Variants in PNPLA7 observed in about 807,000 individuals in gnomAD.
The protein encoded by PNPLA7 is patatin-like phospholipase domain-containing protein 7.
PNPLA7 carries 153 observed loss-of-function variants against 161.7 expected under a neutral mutation model. The ratio of observed to expected loss-of-function variants is 0.95; its 90% CI spans 0.83 to 1.08. The LOEUF (loss-of-function observed/expected upper bound fraction) is 1.08. Among genes scored for constraint, PNPLA7 ranks in the 50% least tolerant of loss-of-function variants. The pLI is 0.00. For synonymous variants in PNPLA7, 809 were observed against 782.1 expected (o/e 1.03, Z -0.57); for missense variants, 1,739 against 1,856.6 (o/e 0.94, Z 1.16).
chr9:137,528,858 G>A (rs757584513), intron 8 of PNPLA7, among the ~76,000 whole-genome samples: 3 of 151,828 alleles, frequency 2.0e-5, no homozygotes, highest in South Asian at 4.2e-4. Context: ...CCGCCACCAC[G>A]CCTGGCTAAT....
chr9:137,477,924 G>A (rs1432264313), intron 25 of PNPLA7, 110 bp downstream of exon 25: 15 of 922,974 alleles, frequency 1.6e-5, no homozygotes, highest in Non-Finnish European at 2.2e-5. Context: ...TGAGGGTCTC[G>A]TCTGCGGGTG....
rs565084903 is a variant in PNPLA7 at position 137,468,302 on chromosome 9, G to T, written c.2883-829C>A. Reference sequence around the variant, plus strand: ...CCAAAGATTACCAGTCATATGAGAAGAAAAGCCTCATATAGGCTTTCCTTT... The same window carrying T: ...CCAAAGATTACCAGTCATATGAGAATAAAAGCCTCATATAGGCTTTCCTTT... On this transcript the variant is annotated intron_variant, in intron 25 of 34. Transcript: ENST00000406427. This position sits in a 1 kb window ranked among gnomAD's most constrained non-coding sequence, Gnocchi z 4.0. 4.6e-5 allele frequency among the ~76,000 whole-genome samples: 7 copies of T among 152,188 alleles called. No individual in the cohort carries two copies. The South Asian group carries it at 1.5e-3, about 32-fold the overall frequency.
chr9:137,482,359 C>A (rs932199322), intron 21 of PNPLA7, among the ~76,000 whole-genome samples: 3 of 152,234 alleles, frequency 2.0e-5, no homozygotes, highest in Non-Finnish European at 4.4e-5. Context: ...ATGAACAGAT[C>A]AACTGTGGTG....
chr9:137,543,309 C>T lies in PNPLA7; in HGVS notation c.506+123G>A. 8.0e-7 allele frequency: 1 copy of T among 1,253,332 alleles called. No individual in the cohort carries two copies. Among genetic ancestry groups the T allele is most frequent in the Non-Finnish European group, 1.1e-6 (1 of 881,560 alleles). The allele number at this position is 1,253,332 out of a possible 1,614,324, so 77.6% of individuals were successfully genotyped here. ...CGCCACGGGGCACAGACACCAGCAG[C>T]CCCACGATGCGCTTTGCCAACCATT... is the stretch of plus-strand genomic sequence containing the variant. On this transcript the variant is annotated intron_variant, in intron 6 of 34. Transcript: ENST00000406427. The surrounding 1 kb of genome is among the most constrained non-coding windows in gnomAD (Gnocchi z 6.9).
chr9:137,498,385 C>G, intron 16 of PNPLA7, 140 bp from the exon 17 acceptor site: 1 of 1,284,560 alleles, frequency 7.8e-7, no homozygotes, highest in East Asian at 2.5e-5. Flanking sequence ...GGGGCTGGGA[C>G]GGGGCACGCA....
intron 8 of PNPLA7, 42 bp from the exon 9 acceptor site, chr9:137,522,899 C>A (rs766308466): frequency 8.7e-6 from 14 of 1,604,198 alleles, no homozygotes; most frequent in Non-Finnish European, 1.1e-5. Context: ...GTGGGCCTGG[C>A]CAACCCCCCA....
intron 24 of PNPLA7, chr9:137,478,766 A>C: frequency 2.9e-6 from 1 of 350,310 alleles, no homozygotes; most frequent in Non-Finnish European, 5.2e-6. Context: ...GCCCATCCCC[A>C]GGGTTTGCTG....
chr9:137,532,446 G>C (rs757151335), intron 8 of PNPLA7, among the ~76,000 whole-genome samples: 31 of 152,060 alleles, frequency 2.0e-4, no homozygotes, highest in Non-Finnish European at 4.3e-4. Context: ...AAAAAAGAAA[G>C]GTAAGTTGAA....
At chr9:137,474,981 G>A (rs1227715597) in intron 25 of PNPLA7, among the ~76,000 whole-genome samples, 1 of 117,574 alleles carries the variant, frequency 8.5e-6, no homozygotes, top group African/African-American at 3.6e-5. Flanking sequence ...AGCCGAGATC[G>A]CTCACTGCGA....
chr9:137,527,306 A>AT (rs1311728148), intron 8 of PNPLA7, among the ~76,000 whole-genome samples: 1 of 151,592 alleles, frequency 6.6e-6, no homozygotes, highest in Non-Finnish European at 1.5e-5. Context: ...AAAACAAAAA[A>AT]AAACCCACAC....
intron 11 of PNPLA7, among the ~76,000 whole-genome samples, chr9:137,517,083 T>A (rs1395717470): frequency 7.2e-6 from 1 of 139,818 alleles, no homozygotes; most frequent in Non-Finnish European, 1.5e-5. Context: ...ACTCACTCAC[T>A]CCACTCTGTC....
Position 137,500,800 on chromosome 9 carries a change from C to T in PNPLA7, c.1648G>A (p.Gly550Arg), listed in dbSNP as rs749612902. Residue 550 changes from glycine (G) to arginine (R), a missense_variant, in exon 16 of 35, where the codon GGG becomes AGG. Physicochemically the swap from Gly to Arg is moderately radical, Grantham distance 125. Around this residue, in one of 6 missense-constraint regions of PNPLA7, gnomAD observed 481 missense variants for 450.0 expected, o/e 1.07. Transcript: ENST00000406427. The surrounding 1 kb of genome is among the most constrained non-coding windows in gnomAD (Gnocchi z 5.5). ...EDTCLFLTRP[G>R]EMVGQLAVLT... ...ACGGCCAGCTGGCCCACCATCTCCC[C>T]GGGGCGCGTGAGGAACAAGCAGGTG... 2.2e-5 allele frequency: 36 copies of T among 1,610,106 alleles called. No individual in the cohort carries two copies. Among genetic ancestry groups the T allele is most frequent in the Middle Eastern group, 1.7e-4 (1 of 6,052 alleles).
At chr9:137,482,749 C>T (rs1046504487) in intron 21 of PNPLA7, among the ~76,000 whole-genome samples, 4 of 152,266 alleles carry the variant, frequency 2.6e-5, no homozygotes, top group South Asian at 2.1e-4. Flanking sequence ...GCCAACGTCC[C>T]GGCCTCGATG....
chr9:137,489,301 C>T (rs537201339), intron 20 of PNPLA7, among the ~76,000 whole-genome samples: 5 of 152,340 alleles, frequency 3.3e-5, no homozygotes, highest in East Asian at 1.9e-4. Context: ...GGTCAGTTCA[C>T]GTTCAAACCA....
intron 11 of PNPLA7, among the ~76,000 whole-genome samples, chr9:137,516,174 G>A (rs1395113946): frequency 2.3e-5 from 3 of 130,234 alleles, no homozygotes; most frequent in Admixed American, 8.0e-5. Flanking sequence ...CCTGCTGTGG[G>A]CCAAGTGCCT....
At chr9:137,545,666 A>C (rs1029394894) in intron 4 of PNPLA7, among the ~76,000 whole-genome samples, 8 of 152,192 alleles carry the variant, frequency 5.3e-5, no homozygotes, top group African/African-American at 1.9e-4. Context: ...TCTTTATTCC[A>C]ATATTATAAT....
rs1833318695 is a variant in PNPLA7, at chr9:137,500,320, T to A, written c.1757+371A>T. Among the ~76,000 whole-genome samples, 1 of 152,092 alleles carries A rather than the reference T, an allele frequency of 6.6e-6. No individual in the cohort carries two copies. The highest frequency in any genetic ancestry group is 1.5e-5 in the Non-Finnish European group (1 of 68,030). ...GCCCAGGCTGCAGAGGTGGGACGGC[T>A]CACGGCCCCTGAAGCCCGGCCCTGC... On this transcript the variant is annotated intron_variant, in intron 16 of 34. Transcript: ENST00000406427. The surrounding 1 kb of genome is among the most constrained non-coding windows in gnomAD (Gnocchi z 5.5).
Position 137,543,647 on chromosome 9 carries a change from C to T in PNPLA7, c.366-75G>A, listed in dbSNP as rs1836335720. ...CCCACAGCATCAGTGGCTGACACAC[C>T]AGGCAGCTCAGGGTTGGGGAGGCCA... On this transcript the variant is annotated intron_variant, in intron 5 of 34. Transcript: ENST00000406427. This position sits in a 1 kb window ranked among gnomAD's most constrained non-coding sequence, Gnocchi z 6.9. The T allele has an allele frequency of 9.3e-6, 15 of 1,609,184 alleles. No individual in the cohort carries two copies. The South Asian group carries it at 1.4e-4, about 15-fold the overall frequency.
intron 4 of PNPLA7, among the ~76,000 whole-genome samples, chr9:137,546,133 T>C (rs981919822): frequency 6.6e-6 from 1 of 152,190 alleles, no homozygotes; most frequent in African/African-American, 2.4e-5. Flanking sequence ...CAGTAGTCAA[T>C]TAGTGAAAGT....
Sources: allele counts gnomAD v4.1 joint callset (sites outside exome capture counted in the v4.1 genomes callset), GRCh38; gene constraint gnomAD v4.1.1; regional missense constraint gnomAD v4.1.1; non-coding constraint Gnocchi (gnomAD v3.1); transcripts MANE v1.5; gene names NCBI Gene and HGNC (gene_info 2026-07-23, HGNC 2026-07-21).